The following COL24A1 variants were observed in gnomAD, a reference collection of about 807,000 sequenced individuals.
COL24A1 encodes the protein collagen alpha-1(XXIV) chain.
Under a neutral mutation model 253.9 loss-of-function variants are expected in COL24A1, and 224 were observed. That is an observed-to-expected ratio of 0.88 (90% confidence interval 0.79 to 0.99). The LOEUF is 0.99. Among genes scored for constraint, COL24A1 ranks in the 50% least tolerant of loss-of-function variants. The probability of loss-of-function intolerance (pLI) is 0.00; values close to 1 mark genes in which losing one functional copy is unlikely to be tolerated. For synonymous variants in COL24A1, 685 were observed against 673.7 expected (o/e 1.02, Z -0.26); for missense variants, 2,131 against 2,068.5 (o/e 1.03, Z -0.59).
chr1:86,125,120 T>C lies in COL24A1; in HGVS notation c.1216A>G (p.Thr406Ala). The C allele has an allele frequency of 6.2e-7, 1 of 1,613,418 alleles. No homozygotes were observed. The highest frequency in any genetic ancestry group is 2.2e-5 in the East Asian group (1 of 44,856). ...ILPQIKQDTI[T>A]NLKKAITANL... Reference sequence around the variant, plus strand: ...GCTGTGATAGCCTTCTTGAGATTAGTAATTGTATCTTGTTTAATTTGTGGA... The same window carrying C: ...GCTGTGATAGCCTTCTTGAGATTAGCAATTGTATCTTGTTTAATTTGTGGA... The change falls in exon 3 of 60, where the codon ACT (threonine) becomes GCT (alanine). Residue 406 changes from threonine to alanine, a missense_variant. Transcript: ENST00000370571.
Position 86,115,354 on chromosome 1 carries a change from G to A in COL24A1, c.1516C>T (p.Pro506Ser). 6.2e-7 allele frequency: 1 copy of A among 1,613,848 alleles called. No individual in the cohort carries two copies. The highest frequency in any genetic ancestry group is 8.5e-7 in the Non-Finnish European group (1 of 1,179,872). ...PPGPPGPAGIPGPSGKRGPRG... is the reference protein window; with the variant it reads ...PPGPPGPAGISGPSGKRGPRG... Reference sequence around the variant, plus strand: ...GGACCTCTCTTCCCTGACGGACCTGGGATACCTGCTGGACCAGGTGGACCC... The same window carrying A: ...GGACCTCTCTTCCCTGACGGACCTGAGATACCTGCTGGACCAGGTGGACCC... Residue 506 changes from proline to serine, a missense_variant, in exon 4 of 60, where the codon CCA (proline) becomes TCA (serine). Pro to Ser is a moderately conservative substitution (Grantham distance 74). Transcript: ENST00000370571.
At position 86,036,529 on chromosome 1, in the gene COL24A1, A is replaced by C. The variant is rs624321; in HGVS notation, c.1951-2606T>G. Among the ~76,000 whole-genome samples the C allele has an allele frequency of 9.6e-3, 1,464 of 152,260 alleles. 34 individuals carry two copies. The highest frequency in any genetic ancestry group is 0.033 in the African/African-American group (1,368 of 41,548). On this transcript the variant is annotated intron_variant, in intron 12 of 59. Coordinates refer to ENST00000370571, the MANE Select transcript of COL24A1 (RefSeq NM_152890.7). ...ATAATATTTTCTTTTAAAGAACATC[A>C]TACCAATGTTTTATATTGTTGAATA...
chr1:85,784,462 A>C, intron 48 of COL24A1, 96 bp from the exon 49 acceptor site: 1 of 810,672 alleles, frequency 1.2e-6, no homozygotes, highest in African/African-American at 1.7e-5. Context: ...CCTTAGGCCC[A>C]TTCCATAAAT....
chr1:85,743,459 A>G (rs1664861614), intron 57 of COL24A1, among the ~76,000 whole-genome samples: 1 of 152,100 alleles, frequency 6.6e-6, no homozygotes, highest in Non-Finnish European at 1.5e-5. Context: ...TAAAAATTGT[A>G]TCTTGTGCTC....
At chr1:85,833,971 TG>T (rs1282313224) in intron 43 of COL24A1, among the ~76,000 whole-genome samples, 2 of 47,968 alleles carry the variant, frequency 4.2e-5, no homozygotes, top group South Asian at 8.8e-4. Flanking sequence ...TGTTGTGGGG[TG>T]GGGGGAGGGG....
At chr1:85,774,805 A>T (rs1022383078) in intron 53 of COL24A1, among the ~76,000 whole-genome samples, 1 of 151,968 alleles carries the variant, frequency 6.6e-6, no homozygotes, top group Non-Finnish European at 1.5e-5. Context: ...AATTTTGTTG[A>T]TCGCTTCAAA....
chr1:85,926,051 C>T (rs1216473094), intron 24 of COL24A1, among the ~76,000 whole-genome samples: 2 of 152,156 alleles, frequency 1.3e-5, no homozygotes. Flanking sequence ...GACATTTATG[C>T]AGCCAACAGA....
chr1:85,862,584 T>C (rs984779307), intron 37 of COL24A1, among the ~76,000 whole-genome samples: 2 of 152,140 alleles, frequency 1.3e-5, no homozygotes, highest in Non-Finnish European at 2.9e-5. Context: ...TGTGTGAACA[T>C]ATAAATCAAA....
At chr1:86,063,025 C>A (rs1028601941) in intron 8 of COL24A1, among the ~76,000 whole-genome samples, 1 of 151,956 alleles carries the variant, frequency 6.6e-6, no homozygotes, top group African/African-American at 2.4e-5. Context: ...AATATCTTAC[C>A]CTTTTCACTG....
At chr1:85,746,044 C>T (rs781019760) in intron 55 of COL24A1, among the ~76,000 whole-genome samples, 1 of 151,964 alleles carries the variant, frequency 6.6e-6, no homozygotes, top group Non-Finnish European at 1.5e-5. Context: ...TCAATCTCCT[C>T]TTGCATTTAA....
chr1:86,105,543 C>A (rs1386821966), intron 5 of COL24A1, among the ~76,000 whole-genome samples: 1 of 152,112 alleles, frequency 6.6e-6, no homozygotes, highest in Non-Finnish European at 1.5e-5. Flanking sequence ...CAGACCAGCC[C>A]CAGGTGATAG....
chr1:85,781,483 G>T (rs1405170164), intron 51 of COL24A1, among the ~76,000 whole-genome samples: 1 of 152,064 alleles, frequency 6.6e-6, no homozygotes, highest in Non-Finnish European at 1.5e-5. Context: ...TATCAGGAGA[G>T]TTGCATCTGT....
intron 24 of COL24A1, among the ~76,000 whole-genome samples, chr1:85,923,777 A>G (rs184449830): frequency 2.0e-5 from 3 of 152,338 alleles, no homozygotes; most frequent in Non-Finnish European, 4.4e-5. Flanking sequence ...AAGCAAGGGC[A>G]AACAAATTCA....
chr1:86,090,990 C>T (rs1427676760), intron 6 of COL24A1, among the ~76,000 whole-genome samples: 2 of 151,988 alleles, frequency 1.3e-5, no homozygotes, highest in African/African-American at 2.4e-5. Flanking sequence ...TTAAAATAGT[C>T]ACCAAAATTG....
At chr1:85,792,804 A>T (rs569429754) in intron 47 of COL24A1, among the ~76,000 whole-genome samples, 35 of 152,228 alleles carry the variant, frequency 2.3e-4, no homozygotes, top group African/African-American at 8.4e-4. Context: ...CAAAAGTTTT[A>T]AAAAAATTCC....
intron 32 of COL24A1, among the ~76,000 whole-genome samples, chr1:85,883,423 G>T (rs1030501248): frequency 3.3e-5 from 5 of 151,754 alleles, no homozygotes; most frequent in Admixed American, 6.6e-5. Context: ...GTTTTACCAT[G>T]TTGTCCAGGC....
At chr1:85,896,646 C>T (rs1191369599) in intron 28 of COL24A1, among the ~76,000 whole-genome samples, 2 of 152,086 alleles carry the variant, frequency 1.3e-5, no homozygotes, top group Admixed American at 6.5e-5. Flanking sequence ...TACAGGCGCT[C>T]GCCACCACGC....
At position 85,765,371 on chromosome 1, in the gene COL24A1, T is replaced by C. The variant is rs548017887; in HGVS notation, c.4375-3805A>G. Among the ~76,000 whole-genome samples the C allele has an allele frequency of 8.6e-5, 13 of 151,886 alleles. No individual in the cohort carries two copies. The South Asian group carries it at 2.7e-3, about 32-fold the overall frequency. On this transcript the variant is annotated intron_variant, in intron 53 of 59. Transcript: ENST00000370571. ...TCTCTGTTTTTTTTTATTATTTCTA[T>C]AGCTGTAAGTTATATGATTCAAGTT...
intron 22 of COL24A1, among the ~76,000 whole-genome samples, chr1:85,969,692 G>A (rs1469679877): frequency 6.8e-6 from 1 of 146,122 alleles, no homozygotes; most frequent in African/African-American, 2.5e-5. Flanking sequence ...TATTTCATGT[G>A]AGTCTAATGC....
Sources: allele counts gnomAD v4.1 joint callset (sites outside exome capture counted in the v4.1 genomes callset), GRCh38; gene constraint gnomAD v4.1.1; transcripts MANE v1.5; gene names NCBI Gene and HGNC (gene_info 2026-07-23, HGNC 2026-07-21).